Variants in DRAXIN observed in about 807,000 individuals in gnomAD.
DRAXIN encodes the protein dorsal repulsive axon guidance protein.
A neutral mutation model predicts 33.9 loss-of-function variants in DRAXIN; 27 were observed. That is an observed-to-expected ratio of 0.80 (90% confidence interval 0.59 to 1.10). DRAXIN has a LOEUF of 1.10. Among genes scored for constraint, DRAXIN ranks in the 50% least tolerant of loss-of-function variants. The probability of loss-of-function intolerance (pLI) is 0.00; values close to 1 mark genes in which losing one functional copy is unlikely to be tolerated. For missense variants in DRAXIN, 371 were observed against 460.8 expected, an observed-to-expected ratio of 0.81 and a Z score of 1.78; for synonymous variants, 178 against 194.0, an observed-to-expected ratio of 0.92 and a Z score of 0.69.
At position 11,696,479 on chromosome 1, in the gene DRAXIN, G is replaced by A. The variant is rs61773912; in HGVS notation, c.-11+4626G>A. On this transcript the variant is annotated intron_variant, in intron 1 of 6. Coordinates refer to ENST00000294485, the MANE Select transcript of DRAXIN (RefSeq NM_198545.4). This position sits in a 1 kb window ranked among gnomAD's most constrained non-coding sequence, Gnocchi z 4.7. Reference sequence around the variant, plus strand: ...TGGGAGCCTGTAATCCCAGTTACTCGGAAGGCTGAGGCAGGAGAATCGCTT... The same window carrying A: ...TGGGAGCCTGTAATCCCAGTTACTCAGAAGGCTGAGGCAGGAGAATCGCTT... 6.8e-3 allele frequency among the ~76,000 whole-genome samples: 1,034 copies of A among 152,180 alleles called. 5 individuals are homozygous for A. Among genetic ancestry groups the A allele is most frequent in the Middle Eastern group, 0.027 (8 of 294 alleles).
intron 5 of DRAXIN, among the ~76,000 whole-genome samples, chr1:11,714,113 G>A (rs774459547): frequency 6.6e-5 from 10 of 152,170 alleles, no homozygotes; most frequent in Non-Finnish European, 1.3e-4. Context: ...GCTAAGGCAG[G>A]AGGATCACCT....
rs779578122 is a variant in DRAXIN, at chr1:11,715,109, G to A, written c.848-10G>A. The A allele has an allele frequency of 1.2e-6, 2 of 1,614,100 alleles. No homozygotes were observed. Among genetic ancestry groups the A allele is most frequent in the East Asian group, 2.2e-5 (1 of 44,892 alleles). On this transcript the variant is annotated splice_polypyrimidine_tract_variant and intron_variant, in intron 5 of 6. Transcript: ENST00000294485. ...GCTTGGCTGACTGCGTGTGCTCTCT[G>A]TGTTGGCAGGGACTTGCTGCGACCT... is the stretch of plus-strand genomic sequence containing the variant.
intron 2 of DRAXIN, among the ~76,000 whole-genome samples, chr1:11,707,994 C>T (rs895140595): frequency 3.3e-5 from 5 of 152,246 alleles, no homozygotes; most frequent in Admixed American, 1.3e-4. Flanking sequence ...CTTCAACACC[C>T]CTTCTCGTGC....
chr1:11,689,950 T>C (rs1641031795), upstream of DRAXIN, among the ~76,000 whole-genome samples: 1 of 151,838 alleles, frequency 6.6e-6, no homozygotes, highest in Non-Finnish European at 1.5e-5. Flanking sequence ...TCCAGGACCT[T>C]TGCAGTGGCT....
chr1:11,711,762 C>T, intron 3 of DRAXIN, 89 bp from the exon 4 acceptor site: 1 of 1,256,614 alleles, frequency 8.0e-7, no homozygotes. Flanking sequence ...CTCTGAGAAG[C>T]CTCTTTTTTG....
rs956327622 is a variant in DRAXIN at position 11,692,024 on chromosome 1, G to A, written c.-11+171G>A. ...AGCCCTCGGACCCGTCTATCCGCCAGTCCTTCCGCCGCCTCCTCTCCTCGC... is the reference window on the plus strand; with the variant it reads ...AGCCCTCGGACCCGTCTATCCGCCAATCCTTCCGCCGCCTCCTCTCCTCGC... On this transcript the variant is annotated intron_variant, in intron 1 of 6. Transcript: ENST00000294485. This position sits in a 1 kb window ranked among gnomAD's most constrained non-coding sequence, Gnocchi z 5.8. 5.3e-5 allele frequency among the ~76,000 whole-genome samples: 8 copies of A among 152,074 alleles called. No individual in the cohort carries two copies. Among genetic ancestry groups the A allele is most frequent in the Admixed American group, 5.2e-4 (8 of 15,288 alleles).
In DRAXIN at chr1:11,713,071, G is replaced by A. The variant is rs1375264007; in HGVS notation, c.847+642G>A. Among the ~76,000 whole-genome samples, 8 of 151,998 alleles carry A rather than the reference G, an allele frequency of 5.3e-5. No homozygotes were observed. In the East Asian group the frequency reaches 5.8e-4, roughly 11 times the overall value. The stretch of plus-strand genomic sequence containing the variant: ...AAATTAGCTGGGCATGGTGGTGTGC[G>A]CCTGTAATCTCAGCTACTTGGGAGG... On this transcript the variant is annotated intron_variant, in intron 5 of 6. Coordinates refer to ENST00000294485, the MANE Select transcript of DRAXIN (RefSeq NM_198545.4).
At chr1:11,709,220 C>CT in intron 2 of DRAXIN, 55 bp from the exon 3 acceptor site, 2 of 1,520,074 alleles carry the variant, frequency 1.3e-6, no homozygotes, top group South Asian at 2.6e-5. Context: ...CTACTGTAGA[C>CT]TGCCACGAGG....
chr1:11,687,251 C>A (rs988034885), upstream of DRAXIN, among the ~76,000 whole-genome samples: 23 of 151,804 alleles, frequency 1.5e-4, no homozygotes, highest in African/African-American at 5.3e-4. The surrounding 1 kb of genome is among the most constrained non-coding windows in gnomAD (Gnocchi z 4.1). Flanking sequence ...TCATTTATTT[C>A]TTTTTTGAGA....
Position 11,722,456 on chromosome 1 carries a change from C to T in DRAXIN, c.*2760C>T, listed in dbSNP as rs1299105381. 1 of 152,186 alleles carries T rather than the reference C, an allele frequency of 6.6e-6. No individual in the cohort carries two copies. The highest frequency in any genetic ancestry group is 1.5e-5 in the Non-Finnish European group (1 of 68,042). The allele number at this position is 152,186 out of a possible 1,614,324, so 9.4% of individuals were successfully genotyped here. A position where few individuals can be genotyped will look rare whatever the true frequency, so the allele number is the denominator to read the frequency against. On this transcript the variant is annotated 3_prime_UTR_variant, in exon 7 of 7. Coordinates refer to ENST00000294485, the MANE Select transcript of DRAXIN (RefSeq NM_198545.4). ...CTTTGCCCTAGCTATCTCTATTTGA[C>T]ATTTCCAAAGAGGGATGGGTGGATG...
Position 11,706,038 on chromosome 1 carries a change from C to T in DRAXIN, c.-10-211C>T, listed in dbSNP as rs1443943728. ...GGGGGCTGTCCTGTGCATTGTCGGG[C>T]GTTTAGCAGCATCCACGGGCTCCAA... On this transcript the variant is annotated intron_variant, in intron 1 of 6. Transcript: ENST00000294485. This position sits in a 1 kb window ranked among gnomAD's most constrained non-coding sequence, Gnocchi z 5.5. 1.3e-5 allele frequency among the ~76,000 whole-genome samples: 2 copies of T among 152,098 alleles called. No individual in the cohort carries two copies. The highest frequency in any genetic ancestry group is 2.9e-5 in the Non-Finnish European group (2 of 68,018).
rs754063371 is a variant in DRAXIN at position 11,694,128 on chromosome 1, G to A, written c.-11+2275G>A. Reference sequence around the variant, plus strand: ...CCTCCCTAGCTCTTGTGAACTGCACGGCATAATCCCTATCTGGGAGGGGTC... The same window carrying A: ...CCTCCCTAGCTCTTGTGAACTGCACAGCATAATCCCTATCTGGGAGGGGTC... On this transcript the variant is annotated intron_variant, in intron 1 of 6. Transcript: ENST00000294485. This position sits in a 1 kb window ranked among gnomAD's most constrained non-coding sequence, Gnocchi z 4.9. Among the ~76,000 whole-genome samples, 5 of 152,102 alleles carry A rather than the reference G, an allele frequency of 3.3e-5. No homozygotes were observed. Among genetic ancestry groups the A allele is most frequent in the Non-Finnish European group, 7.4e-5 (5 of 68,022 alleles).
chr1:11,694,658 G>C lies in DRAXIN; in HGVS notation c.-11+2805G>C, dbSNP rs979592634. ...GCATGAGCATGTTCCTGGGGGGCAG[G>C]TCATAGGAGCACCCCTGTTCTGGCC... On this transcript the variant is annotated intron_variant, in intron 1 of 6. Transcript: ENST00000294485. The surrounding 1 kb of genome is among the most constrained non-coding windows in gnomAD (Gnocchi z 4.9). 5.3e-5 allele frequency among the ~76,000 whole-genome samples: 8 copies of C among 151,950 alleles called. No homozygotes were observed. Among genetic ancestry groups the C allele is most frequent in the African/African-American group, 1.9e-4 (8 of 41,372 alleles).
chr1:11,696,976 C>T lies in DRAXIN; in HGVS notation c.-11+5123C>T, dbSNP rs1227794028. Among the ~76,000 whole-genome samples, 2 of 151,144 alleles carry T rather than the reference C, an allele frequency of 1.3e-5. No individual in the cohort carries two copies. The highest frequency in any genetic ancestry group is 6.6e-5 in the Admixed American group (1 of 15,180). ...ACTTGAGCCCGTGAGGCAGAAGTTG[C>T]AGTGAGCCGAGATCGTGCCATTGCA... On this transcript the variant is annotated intron_variant, in intron 1 of 6. Transcript: ENST00000294485. This position sits in a 1 kb window ranked among gnomAD's most constrained non-coding sequence, Gnocchi z 4.7.
At position 11,720,155 on chromosome 1, in the gene DRAXIN, G is replaced by GA. The variant is rs1162630203; in HGVS notation, c.*460dup. On this transcript the variant is annotated 3_prime_UTR_variant, in exon 7 of 7. Transcript: ENST00000294485. Reference sequence around the variant, plus strand: ...CATTATCTCATTGAATTATCACAACGACCTTTTCAAGTAGGCATTATCACC... The same window carrying GA: ...CATTATCTCATTGAATTATCACAACGAACCTTTTCAAGTAGGCATTATCACC... 1.8e-5 allele frequency: 3 copies of GA among 164,008 alleles called. No individual in the cohort carries two copies. The highest frequency in any genetic ancestry group is 1.1e-4 in the Admixed American group (2 of 17,402). The allele number at this position is 164,008 out of a possible 1,614,324, so 10.2% of individuals were successfully genotyped here.
At position 11,705,770 on chromosome 1, in the gene DRAXIN, C is replaced by T. The variant is rs1056319355; in HGVS notation, c.-10-479C>T. On this transcript the variant is annotated intron_variant, in intron 1 of 6. Coordinates refer to ENST00000294485, the MANE Select transcript of DRAXIN (RefSeq NM_198545.4). This position sits in a 1 kb window ranked among gnomAD's most constrained non-coding sequence, Gnocchi z 4.8. Reference sequence around the variant, plus strand: ...TAACGTGGGTCCTGCCTACAGCGTGCGCTCAAACGCTATTATTCCATTTGT... The same window carrying T: ...TAACGTGGGTCCTGCCTACAGCGTGTGCTCAAACGCTATTATTCCATTTGT... Among the ~76,000 whole-genome samples, 6 of 152,294 alleles carry T rather than the reference C, an allele frequency of 3.9e-5. No homozygotes were observed. Among genetic ancestry groups the T allele is most frequent in the East Asian group, 1.9e-4 (1 of 5,176 alleles).
At chr1:11,689,673 C>T (rs1258451543), upstream of DRAXIN, among the ~76,000 whole-genome samples, 1 of 152,186 alleles carries the variant, frequency 6.6e-6, no homozygotes, top group African/African-American at 2.4e-5. Context: ...AGGAAATAAC[C>T]ATAAAAATGG....
intron 1 of DRAXIN, among the ~76,000 whole-genome samples, chr1:11,693,405 C>T (rs1291730880): frequency 6.6e-6 from 1 of 152,040 alleles, no homozygotes; most frequent in African/African-American, 2.4e-5. Flanking sequence ...CTGCTGTGTG[C>T]TTGCCCAAGC....
At chr1:11,713,149 GATC>G (rs1641523733) in intron 5 of DRAXIN, among the ~76,000 whole-genome samples, 1 of 151,732 alleles carries the variant, frequency 6.6e-6, no homozygotes, top group Non-Finnish European at 1.5e-5. Context: ...GGTGAGCTGA[GATC>G]GTGCCATTGC....
Sources: gnomAD v4.1 joint callset for allele counts (sites outside exome capture counted in the v4.1 genomes callset) on GRCh38, gnomAD v4.1.1 for gene constraint, Gnocchi (gnomAD v3.1) non-coding constraint, MANE v1.5 for transcripts, NCBI Gene and HGNC (gene_info 2026-07-23, HGNC 2026-07-21) for gene names.